Variants in TMEM214 observed in about 807,000 individuals in gnomAD.
The protein encoded by TMEM214 is transmembrane protein 214.
Under a neutral mutation model 89.8 loss-of-function variants are expected in TMEM214, and 71 were observed. The observed-to-expected ratio is 0.79, with a 90% CI of 0.65 to 0.96. The LOEUF (loss-of-function observed/expected upper bound fraction) is 0.96, where lower values mean the gene tolerates loss of function less well. Ranked by LOEUF, TMEM214 falls within the 40% of genes least tolerant of loss-of-function variation. The pLI, the probability that TMEM214 is intolerant of heterozygous loss-of-function variation, is 0.00. For missense variants in TMEM214, 754 were observed against 843.4 expected, an observed-to-expected ratio of 0.89 and a Z score of 1.31; for synonymous variants, 332 against 349.5, an observed-to-expected ratio of 0.95 and a Z score of 0.56.
intron 2 of TMEM214, 26 bp from the exon 3 acceptor site, chr2:27,035,109 G>T (rs1667492573): frequency 1.2e-6 from 2 of 1,611,824 alleles, no homozygotes; most frequent in Admixed American, 1.7e-5. Flanking sequence ...CGCCATGGTG[G>T]GGGGTTGGGG....
chr2:27,036,926 G>T, intron 7 of TMEM214, 140 bp downstream of exon 7: 1 of 1,075,586 alleles, frequency 9.3e-7, no homozygotes, highest in Non-Finnish European at 1.4e-6. Context: ...AGAATGTGAT[G>T]GTGAGGAAGG....
At chr2:27,037,241 T>C in intron 8 of TMEM214, 63 bp downstream of exon 8, 2 of 1,306,212 alleles carry the variant, frequency 1.5e-6, no homozygotes, top group Admixed American at 1.7e-5. Flanking sequence ...ACACTACATA[T>C]TCCCGTCTCT....
At position 27,038,466 on chromosome 2, in the gene TMEM214, G is replaced by T. The variant is rs766153946; in HGVS notation, c.1245-18G>T. ...GCTGCGCGAGCCACCTGACTAGGGG[G>T]TTGTGCTTTCCCCACAGCCTTCTGC... On this transcript the variant is annotated intron_variant, in intron 10 of 16. Coordinates refer to ENST00000238788, the MANE Select transcript of TMEM214 (RefSeq NM_017727.5). The surrounding 1 kb of genome is among the most constrained non-coding windows in gnomAD (Gnocchi z 4.4). 4.3e-6 allele frequency: 7 copies of T among 1,613,646 alleles called. No homozygotes were observed. In the Admixed American group the frequency reaches 1.0e-4, roughly 23 times the overall value.
intron 14 of TMEM214, 40 bp from the exon 15 acceptor site, chr2:27,039,990 G>T (rs375674578): frequency 6.3e-7 from 1 of 1,596,108 alleles, no homozygotes; most frequent in African/African-American, 1.3e-5. Context: ...TGGGCCTGAG[G>T]AGACTCAGAG....
rs1318996492 is a variant in TMEM214, at chr2:27,039,171, A to G, written c.1525+7A>G. ...TCACACAGCTCCTTCCAGGGTAAGC[A>G]GCAATGGGCAAGCGAGGAGGATGGT... On this transcript the variant is annotated splice_region_variant and intron_variant, in intron 13 of 16. Transcript: ENST00000238788. The G allele has an allele frequency of 1.2e-6, 2 of 1,612,480 alleles. No homozygotes were observed. The highest frequency in any genetic ancestry group is 2.2e-5 in the South Asian group (2 of 90,986).
intron 1 of TMEM214, 57 bp from the exon 2 acceptor site, chr2:27,034,010 G>T (rs1667441858): frequency 5.7e-6 from 9 of 1,578,264 alleles, no homozygotes; most frequent in Non-Finnish European, 6.9e-6. Flanking sequence ...ACCACTGATA[G>T]GTGAGGCCTT....
chr2:27,041,251 C>T lies in TMEM214; in HGVS notation c.*414C>T, dbSNP rs1667821348. The stretch of plus-strand genomic sequence containing the variant: ...TGATTCCTGCTTCTCCAGACTTTAG[C>T]AGCCTCCTGTTCCCATTCTTGGTCA... On this transcript the variant is annotated 3_prime_UTR_variant, in exon 17 of 17. Coordinates refer to ENST00000238788, the MANE Select transcript of TMEM214 (RefSeq NM_017727.5). 1.1e-5 allele frequency: 2 copies of T among 179,028 alleles called. No individual in the cohort carries two copies. The highest frequency in any genetic ancestry group is 1.5e-4 in the East Asian group (1 of 6,894). 11.1% of individuals were successfully genotyped at this position (179,028 alleles called of 1,614,324 possible).
In TMEM214 at chr2:27,038,753, G is replaced by A. The variant is rs752028131; in HGVS notation, c.1345G>A (p.Glu449Lys). Residue 449 changes from glutamate to lysine, a missense_variant, in exon 12 of 17, where the codon GAG (glutamate) becomes AAG (lysine). Transcript: ENST00000238788. The surrounding 1 kb of genome is among the most constrained non-coding windows in gnomAD (Gnocchi z 4.4). ...TCAGTCCCTCAAGCTTACCAACCAG[G>A]AGCTGCTGAGGAAGGGTAGCAGTAA... Reference protein sequence around the residue: ...TIQSLKLTNQELLRKGSSNNQ... With the variant: ...TIQSLKLTNQKLLRKGSSNNQ... The A allele has an allele frequency of 1.9e-6, 3 of 1,614,174 alleles. No individual in the cohort carries two copies. Among genetic ancestry groups the A allele is most frequent in the Non-Finnish European group, 1.7e-6 (2 of 1,180,012 alleles).
In TMEM214 at chr2:27,038,686, C is replaced by T. The variant is rs76813949; in HGVS notation, c.1294-16C>T. ...GCTCTGGATTCCCTCACAGGCCAGA[C>T]CTTTCTTGTCCATAGGTACAGAAGT... On this transcript the variant is annotated splice_polypyrimidine_tract_variant and intron_variant, in intron 11 of 16. Transcript: ENST00000238788. This position sits in a 1 kb window ranked among gnomAD's most constrained non-coding sequence, Gnocchi z 4.4. 4.7e-5 allele frequency: 75 copies of T among 1,612,072 alleles called. No individual in the cohort carries two copies. The African/African-American group carries it at 7.7e-4, about 17-fold the overall frequency.
rs1160305713 is a variant in TMEM214 at position 27,040,681 on chromosome 2, A to C, written c.1944-30A>C. 1.9e-6 allele frequency: 3 copies of C among 1,611,020 alleles called. No homozygotes were observed. In the African/African-American group the frequency reaches 4.0e-5, roughly 22 times the overall value. On this transcript the variant is annotated intron_variant, in intron 16 of 16. Transcript: ENST00000238788. ...AAAGTTGACACAGCTACTCACGTGC[A>C]TACTCAAAAATGTTCCACTTTCCTT...
chr2:27,038,814 AG>A lies in TMEM214; in HGVS notation c.1407+1del, dbSNP rs1558399550. ...QDVVTCDMAC[K>X]GLLQQVQGPR... is the part of the protein sequence containing the mutation. The stretch of plus-strand genomic sequence containing the variant: ...GTCGTCACCTGTGACATGGCCTGCA[AG>A]GTGCTGGCACCCGGTCCTCTCCAGC... On this transcript the variant is annotated frameshift_variant and splice_region_variant, in exon 12 of 17. Coordinates refer to ENST00000238788, the MANE Select transcript of TMEM214 (RefSeq NM_017727.5). LOFTEE classifies it high-confidence loss of function. This position sits in a 1 kb window ranked among gnomAD's most constrained non-coding sequence, Gnocchi z 4.4. 1.9e-6 allele frequency: 3 copies of A among 1,612,350 alleles called. No individual in the cohort carries two copies. Among genetic ancestry groups the A allele is most frequent in the South Asian group, 2.2e-5 (2 of 90,996 alleles).
intron 13 of TMEM214, 85 bp downstream of exon 13, chr2:27,039,249 C>T (rs1246705543): frequency 1.7e-6 from 2 of 1,164,364 alleles, no homozygotes; most frequent in Non-Finnish European, 2.5e-6. Flanking sequence ...CCCAGCAGCA[C>T]ACATCTTTGT....
At position 27,038,733 on chromosome 2, in the gene TMEM214, C is replaced by A. The variant is rs1442715096; in HGVS notation, c.1325C>A (p.Ser442Tyr). The A allele has an allele frequency of 6.2e-7, 1 of 1,614,056 alleles. No homozygotes were observed. The highest frequency in any genetic ancestry group is 8.5e-7 in the Non-Finnish European group (1 of 1,180,024). The change falls in exon 12 of 17, where the codon TCC (serine) becomes TAC (tyrosine). Residue 442 changes from serine to tyrosine, a missense_variant. Transcript: ENST00000238788. This position sits in a 1 kb window ranked among gnomAD's most constrained non-coding sequence, Gnocchi z 4.4. ...AAGTCTTTGCAAGAAACCATTCAGT[C>A]CCTCAAGCTTACCAACCAGGAGCTG... ...VQKSLQETIQ[S>Y]LKLTNQELLR...
Position 27,033,083 on chromosome 2 carries a change from G to T in TMEM214, c.68G>T (p.Gly23Val). The T allele has an allele frequency of 8.0e-7, 1 of 1,247,638 alleles. No homozygotes were observed. The allele number at this position is 1,247,638 out of a possible 1,614,324, so 77.3% of individuals were successfully genotyped here. A position where few individuals can be genotyped will look rare whatever the true frequency, so the allele number is the denominator to read the frequency against. ...VVKKGRRPGVGAGAGGRGGGR... is the reference protein window; with the variant it reads ...VVKKGRRPGVVAGAGGRGGGR... ...AAGAAGGGTCGGCGGCCTGGGGTCG[G>T]CGCCGGCGCCGGCGGCCGAGGAGGC... is the stretch of plus-strand genomic sequence containing the variant. The change falls in exon 1 of 17, where the codon GGC becomes GTC. Residue 23 changes from glycine to valine, a missense_variant. Transcript: ENST00000238788.
chr2:27,039,597 C>A, intron 13 of TMEM214, 144 bp from the exon 14 acceptor site: 1 of 742,066 alleles, frequency 1.3e-6, no homozygotes, highest in South Asian at 1.6e-5. Flanking sequence ...CCCTCCACAG[C>A]AGCCTGGAGC....
At position 27,038,438 on chromosome 2, in the gene TMEM214, G is replaced by A. The variant is rs573852679; in HGVS notation, c.1245-46G>A. On this transcript the variant is annotated intron_variant, in intron 10 of 16. Transcript: ENST00000238788. The surrounding 1 kb of genome is among the most constrained non-coding windows in gnomAD (Gnocchi z 4.4). ...GCTAATGGAGGACAGGAGGATGGGT[G>A]AGGCTGCGCGAGCCACCTGACTAGG... The A allele has an allele frequency of 2.5e-6, 4 of 1,611,168 alleles. No homozygotes were observed. In the African/African-American group the frequency reaches 4.0e-5, roughly 16 times the overall value.
Position 27,040,874 on chromosome 2 carries a change from G to A in TMEM214, c.*37G>A. 1.3e-6 allele frequency: 2 copies of A among 1,597,726 alleles called. No homozygotes were observed. The highest frequency in any genetic ancestry group is 1.7e-6 in the Non-Finnish European group (2 of 1,166,602). ...CTGGCCACTGATTTCTGCATGGGTAGACCATCCAAGACTGCAGCGGGTAGA... is the reference window on the plus strand; with the variant it reads ...CTGGCCACTGATTTCTGCATGGGTAAACCATCCAAGACTGCAGCGGGTAGA... On this transcript the variant is annotated 3_prime_UTR_variant, in exon 17 of 17. Coordinates refer to ENST00000238788, the MANE Select transcript of TMEM214 (RefSeq NM_017727.5).
chr2:27,039,179 G>A lies in TMEM214; in HGVS notation c.1525+15G>A. On this transcript the variant is annotated intron_variant, in intron 13 of 16. Transcript: ENST00000238788. The stretch of plus-strand genomic sequence containing the variant: ...CTCCTTCCAGGGTAAGCAGCAATGG[G>A]CAAGCGAGGAGGATGGTGTGGGCGG... The A allele has an allele frequency of 6.2e-7, 1 of 1,609,322 alleles. No homozygotes were observed. The highest frequency in any genetic ancestry group is 8.5e-7 in the Non-Finnish European group (1 of 1,176,748).
In TMEM214 at chr2:27,033,105, A is replaced by G; in HGVS notation, c.90A>G (p.Gly30=). The G allele has an allele frequency of 1.7e-6, 2 of 1,195,656 alleles. No individual in the cohort carries two copies. Among genetic ancestry groups the G allele is most frequent in the Non-Finnish European group, 2.1e-6 (2 of 956,640 alleles). 74.1% of individuals were successfully genotyped at this position (1,195,656 alleles called of 1,614,324 possible). A position where few individuals can be genotyped will look rare whatever the true frequency, so the allele number is the denominator to read the frequency against. ...PGVGAGAGGR[G]GGRNRRALGE... ...TCGGCGCCGGCGCCGGCGGCCGAGG[A>G]GGCGGCAGGAACCGCAGGGCGCTCG... Residue 30 remains glycine, a synonymous_variant, in exon 1 of 17, where the codon GGA becomes GGG. Transcript: ENST00000238788.
Sources: allele counts gnomAD v4.1 joint callset, GRCh38; gene constraint gnomAD v4.1.1; non-coding constraint Gnocchi (gnomAD v3.1); transcripts MANE v1.5; gene names NCBI Gene and HGNC (gene_info 2026-07-23, HGNC 2026-07-21).